TMEM236: variants seen among roughly 807,000 people sequenced by gnomAD.
TMEM236 encodes the protein transmembrane protein 236.
A neutral mutation model predicts 14.7 loss-of-function variants in TMEM236; 11 were observed. The observed-to-expected ratio is 0.75, with a 90% CI of 0.47 to 1.24. The LOEUF is 1.24. Among genes scored for constraint, TMEM236 ranks in the 50% most tolerant of loss-of-function variants. The pLI, the probability that TMEM236 is intolerant of heterozygous loss-of-function variation, is 0.00. For missense variants in TMEM236, 464 were observed against 427.3 expected (o/e 1.09, Z -0.76); for synonymous variants, 182 against 168.6 (o/e 1.08, Z -0.62).
rs1276253178 is a variant in TMEM236, at chr10:17,773,168, A to C, written c.330+1787A>C. 4.6e-5 allele frequency among the ~76,000 whole-genome samples: 7 copies of C among 152,314 alleles called. No individual in the cohort carries two copies. In the South Asian group the frequency reaches 1.4e-3, roughly 32 times the overall value. ...TGTCTTTTGGTGTGCATGAGCAAGC[A>C]TTTCTGTTGGTTATGTATGCAGGAG... On this transcript the variant is annotated intron_variant, in intron 2 of 3. Transcript: ENST00000377495.
intron 3 of TMEM236, among the ~76,000 whole-genome samples, chr10:17,791,550 G>T (rs34202988): frequency 0.17 from 25,407 of 152,112 alleles, 2,702 homozygotes; most frequent in East Asian, 0.3. Flanking sequence ...TGCCTGATAC[G>T]TACAAAGTTC....
Position 17,771,296 on chromosome 10 carries a change from T to A in TMEM236, c.258-13T>A, listed in dbSNP as rs782289122. On this transcript the variant is annotated splice_polypyrimidine_tract_variant and intron_variant, in intron 1 of 3. Transcript: ENST00000377495. ...TCCATGATTGCTTTGGCTTATTTTT[T>A]CTCCTTTGCTAGGAGACCTGTTCTG... 1 of 1,613,644 alleles carries A rather than the reference T, an allele frequency of 6.2e-7. No homozygotes were observed. The highest frequency in any genetic ancestry group is 1.1e-5 in the South Asian group (1 of 91,074).
At chr10:17,771,224 A>G (rs540688906) in intron 1 of TMEM236, 85 bp from the exon 2 acceptor site, 2,340 of 1,225,542 alleles carry the variant, frequency 1.9e-3, no homozygotes, top group Non-Finnish European at 2.7e-3. Context: ...GATGAATGGA[A>G]CAGGAACTGC....
chr10:17,799,130 T>A lies in TMEM236; in HGVS notation c.*2626T>A, dbSNP rs1276422838. The A allele has an allele frequency of 5.8e-6, 1 of 173,358 alleles. No homozygotes were observed. The highest frequency in any genetic ancestry group is 2.4e-5 in the African/African-American group (1 of 41,572). The allele number at this position is 173,358 out of a possible 1,614,324, so 10.7% of individuals were successfully genotyped here. A position where few individuals can be genotyped will look rare whatever the true frequency, so the allele number is the denominator to read the frequency against. The stretch of plus-strand genomic sequence containing the variant: ...GACATTTGAGTGTCTGTCCTCTGAG[T>A]TCCCATAGAATCTGAATTACACCAC... On this transcript the variant is annotated 3_prime_UTR_variant, in exon 4 of 4. Transcript: ENST00000377495.
intron 1 of TMEM236, among the ~76,000 whole-genome samples, chr10:17,767,127 T>A (rs1464181257): frequency 2.0e-5 from 3 of 152,300 alleles, no homozygotes; most frequent in African/African-American, 4.8e-5. Context: ...TCAACATATC[T>A]TTTTGGGGAG....
At chr10:17,768,097 T>TTG (rs1564595123) in intron 1 of TMEM236, among the ~76,000 whole-genome samples, 10 of 111,092 alleles carry the variant, frequency 9.0e-5, no homozygotes, top group Non-Finnish European at 1.3e-4. Context: ...TTTTTTTTTT[T>TTG]TTTTTTTTTT....
At chr10:17,762,590 T>C (rs1456515041) in intron 1 of TMEM236, among the ~76,000 whole-genome samples, 2 of 70,112 alleles carry the variant, frequency 2.9e-5, no homozygotes, top group Non-Finnish European at 2.3e-5. Flanking sequence ...TATATATATA[T>C]ATATATATAT....
chr10:17,796,719 C>T lies in TMEM236; in HGVS notation c.*215C>T, dbSNP rs1366049283. ...AAAGTAATATTCTTATAAGTTGGCT[C>T]TCAGGTATTTCTAGAAAATGTTAGC... On this transcript the variant is annotated 3_prime_UTR_variant, in exon 4 of 4. Coordinates refer to ENST00000377495, the MANE Select transcript of TMEM236 (RefSeq NM_001098844.3). 2 of 574,042 alleles carry T rather than the reference C, an allele frequency of 3.5e-6. No homozygotes were observed. Among genetic ancestry groups the T allele is most frequent in the African/African-American group, 1.9e-5 (1 of 53,042 alleles). 35.6% of individuals were successfully genotyped at this position (574,042 alleles called of 1,614,324 possible).
chr10:17,788,430 C>G (rs1172999864), intron 3 of TMEM236, among the ~76,000 whole-genome samples: 1 of 151,298 alleles, frequency 6.6e-6, no homozygotes, highest in Non-Finnish European at 1.5e-5. Flanking sequence ...GTCTGTAAAG[C>G]AGCAGTAGAG....
intron 1 of TMEM236, among the ~76,000 whole-genome samples, chr10:17,762,230 A>C (rs1157320689): frequency 6.6e-6 from 1 of 152,090 alleles, no homozygotes; most frequent in South Asian, 2.1e-4. Flanking sequence ...GCCACATCTC[A>C]GTCTGCTAAG....
Position 17,795,914 on chromosome 10 carries a change from A to AT in TMEM236, c.473-5dup. 1 of 1,613,632 alleles carries AT rather than the reference A, an allele frequency of 6.2e-7. No homozygotes were observed. Among genetic ancestry groups the AT allele is most frequent in the Non-Finnish European group, 8.5e-7 (1 of 1,179,522 alleles). The stretch of plus-strand genomic sequence containing the variant: ...AACTAAAATGTAAATAAATCTGTTA[A>AT]TTGCAGGTAGTGAAAATGGACACAT... On this transcript the variant is annotated splice_polypyrimidine_tract_variant and splice_region_variant and intron_variant, in intron 3 of 3. Transcript: ENST00000377495.
chr10:17,762,611 A>G (rs1345794278), intron 1 of TMEM236, among the ~76,000 whole-genome samples: 3 of 81,038 alleles, frequency 3.7e-5, no homozygotes, highest in African/African-American at 2.5e-4. Context: ...ATATATATAT[A>G]TATATATACA....
At chr10:17,784,865 A>T (rs1174400514) in intron 3 of TMEM236, among the ~76,000 whole-genome samples, 1 of 152,146 alleles carries the variant, frequency 6.6e-6, no homozygotes, top group Non-Finnish European at 1.5e-5. Context: ...ATGGAGATGA[A>T]GTGGGCGAGG....
intron 3 of TMEM236, among the ~76,000 whole-genome samples, chr10:17,792,116 C>T (rs1589153541): frequency 6.6e-6 from 1 of 152,022 alleles, no homozygotes; most frequent in African/African-American, 2.4e-5. Flanking sequence ...GAGATGGAGT[C>T]TTGCTCTGTC....
At chr10:17,760,871 C>T (rs1837351429) in intron 1 of TMEM236, among the ~76,000 whole-genome samples, 1 of 152,162 alleles carries the variant, frequency 6.6e-6, no homozygotes, top group African/African-American at 2.4e-5. Flanking sequence ...AACGTATTCA[C>T]TGTCACAAGA....
At chr10:17,768,761 G>C (rs1837518309) in intron 1 of TMEM236, among the ~76,000 whole-genome samples, 1 of 150,460 alleles carries the variant, frequency 6.6e-6, no homozygotes, top group Admixed American at 6.6e-5. Context: ...GTGTGTGTGT[G>C]CCTGTATGTG....
In TMEM236 at chr10:17,799,005, G is replaced by T; in HGVS notation, c.*2501G>T. On this transcript the variant is annotated 3_prime_UTR_variant, in exon 4 of 4. Transcript: ENST00000377495. ...GAAAAATAATACATACAATCTTAAGGTTACTTCAGACTATACTTTTTCATC... is the reference window on the plus strand; with the variant it reads ...GAAAAATAATACATACAATCTTAAGTTTACTTCAGACTATACTTTTTCATC... 3.5e-6 allele frequency: 1 copy of T among 288,446 alleles called. No individual in the cohort carries two copies. The highest frequency in any genetic ancestry group is 6.7e-6 in the Non-Finnish European group (1 of 149,278). 17.9% of individuals were successfully genotyped at this position (288,446 alleles called of 1,614,324 possible).
chr10:17,783,811 A>T (rs1212101334), intron 3 of TMEM236, among the ~76,000 whole-genome samples: 2 of 152,192 alleles, frequency 1.3e-5, no homozygotes, highest in South Asian at 2.1e-4. Context: ...GCAAAATAGT[A>T]GTAGTTGTAG....
chr10:17,774,025 ATATTTTTGTTTG>A (rs1383553707), intron 2 of TMEM236, among the ~76,000 whole-genome samples: 1 of 40,840 alleles, frequency 2.4e-5, no homozygotes, highest in South Asian at 1.6e-3. Flanking sequence ...TCATATATAT[ATATTTTTGTTTG>A]TTTGTTTGTT....
Sources: gnomAD v4.1 joint callset for allele counts (sites outside exome capture counted in the v4.1 genomes callset) on GRCh38, gnomAD v4.1.1 for gene constraint, MANE v1.5 for transcripts, NCBI Gene and HGNC (gene_info 2026-07-23, HGNC 2026-07-21) for gene names.